Variants in TYW1 observed in about 807,000 individuals in gnomAD.
TYW1 encodes the protein tRNA-yW synthesizing protein 1 homolog, also known as S-adenosyl-L-methionine-dependent tRNA 4-demethylwyosine synthase TYW1.
Under a neutral mutation model 96.2 loss-of-function variants are expected in TYW1, and 46 were observed. The ratio of observed to expected loss-of-function variants is 0.48; its 90% confidence interval spans 0.38 to 0.61. The LOEUF is 0.61. TYW1 is among the 20% of genes least tolerant of loss of function. The pLI is 0.00. For missense variants in TYW1, 684 were observed against 909.6 expected (o/e 0.75, Z 3.19); for synonymous variants, 274 against 323.0 (o/e 0.85, Z 1.63).
chr7:67,001,798 C>T lies in TYW1; in HGVS notation c.273+2844C>T, dbSNP rs1246763028. On this transcript the variant is annotated intron_variant, in intron 3 of 15. Transcript: ENST00000359626. ...CTGTAATCTCAGCACTTTGGGAGGC[C>T]GAGGTGGGCAGACCACTTGAGGCCA... Among the ~76,000 whole-genome samples the T allele has an allele frequency of 4.0e-5, 6 of 150,414 alleles. No individual in the cohort carries two copies. The East Asian group carries it at 1.0e-3, about 26-fold the overall frequency.
At position 67,067,559 on chromosome 7, in the gene TYW1, T is replaced by C. The variant is rs113495334; in HGVS notation, c.1274+156T>C. On this transcript the variant is annotated intron_variant, in intron 10 of 15. Coordinates refer to ENST00000359626, the MANE Select transcript of TYW1 (RefSeq NM_018264.4). Reference sequence around the variant, plus strand: ...AGTGTATAAAAATTTTGTAGACAAATATTTTTGTTTCTCTTGGACAAACAC... The same window carrying C: ...AGTGTATAAAAATTTTGTAGACAAACATTTTTGTTTCTCTTGGACAAACAC... Among the ~76,000 whole-genome samples the C allele has an allele frequency of 4.3e-3, 662 of 152,312 alleles. 5 individuals carry two copies. Among genetic ancestry groups the C allele is most frequent in the African/African-American group, 0.015 (616 of 41,570 alleles).
At chr7:67,223,418 G>C (rs1202831617) in intron 15 of TYW1, among the ~76,000 whole-genome samples, 2 of 152,116 alleles carry the variant, frequency 1.3e-5, no homozygotes, top group Non-Finnish European at 2.9e-5. Context: ...AGTCTTTTCA[G>C]TTCTCTTTGA....
chr7:67,191,549 GGGGTGAGGGTGA>G (rs564020331), intron 14 of TYW1, among the ~76,000 whole-genome samples: 4 of 123,178 alleles, frequency 3.2e-5, no homozygotes, highest in Admixed American at 3.2e-4. Context: ...AATGGAGTTG[GGGGTGAGGGTGA>G]GGGTGAGAGT....
intron 7 of TYW1, among the ~76,000 whole-genome samples, chr7:67,041,462 GC>G (rs1795018734): frequency 6.6e-6 from 1 of 152,054 alleles, no homozygotes; most frequent in South Asian, 2.1e-4. Context: ...ACCACGCCCG[GC>G]TAATTTTTGT....
At chr7:67,073,524 C>A (rs1369979410) in intron 10 of TYW1, among the ~76,000 whole-genome samples, 2 of 152,092 alleles carry the variant, frequency 1.3e-5, no homozygotes, top group African/African-American at 4.8e-5. Context: ...GTAATCCCAG[C>A]ACTTTGGGAG....
In TYW1 at chr7:67,001,068, T is replaced by C. The variant is rs190335189; in HGVS notation, c.273+2114T>C. Among the ~76,000 whole-genome samples, 797 of 151,486 alleles carry C rather than the reference T, an allele frequency of 5.3e-3. 4 individuals are homozygous for C. Among genetic ancestry groups the C allele is most frequent in the Middle Eastern group, 0.014 (4 of 294 alleles). ...TAAAAAACCTTTTTCAGAGCCTCTT[T>C]ATGCATGTTTTTACCTTTTTAAAAA... is the stretch of plus-strand genomic sequence containing the variant. On this transcript the variant is annotated intron_variant, in intron 3 of 15. Transcript: ENST00000359626.
chr7:67,181,121 T>C (rs1424304410), intron 13 of TYW1, among the ~76,000 whole-genome samples: 1 of 152,178 alleles, frequency 6.6e-6, no homozygotes. Flanking sequence ...TCAGATACCT[T>C]TGGGTATCTA....
At chr7:67,184,120 A>T (rs1244611368) in intron 14 of TYW1, among the ~76,000 whole-genome samples, 1 of 152,184 alleles carries the variant, frequency 6.6e-6, no homozygotes, top group Non-Finnish European at 1.5e-5. Flanking sequence ...TGCCCGGCTG[A>T]TGTGTATTCT....
chr7:67,169,932 C>G (rs1250087645), intron 13 of TYW1, among the ~76,000 whole-genome samples: 1 of 152,182 alleles, frequency 6.6e-6, no homozygotes, highest in African/African-American at 2.4e-5. Context: ...TTTTCAGGAG[C>G]TGCCAACTTG....
At chr7:67,204,885 C>G (rs1800730873) in intron 15 of TYW1, among the ~76,000 whole-genome samples, 1 of 152,214 alleles carries the variant, frequency 6.6e-6, no homozygotes, top group African/African-American at 2.4e-5. Flanking sequence ...CCACGCCCAG[C>G]CAACTTTCTA....
chr7:67,086,007 T>C (rs1796538321), intron 11 of TYW1, among the ~76,000 whole-genome samples: 1 of 152,202 alleles, frequency 6.6e-6, no homozygotes, highest in African/African-American at 2.4e-5. Context: ...TATACTTTTT[T>C]TCTTTATGAA....
chr7:67,066,914 G>T (rs1013512691), intron 9 of TYW1, among the ~76,000 whole-genome samples: 3 of 152,150 alleles, frequency 2.0e-5, no homozygotes, highest in African/African-American at 7.2e-5. Flanking sequence ...TTCAGAGCAG[G>T]GATATGCTTG....
chr7:67,153,825 T>C (rs1250057595), intron 13 of TYW1, among the ~76,000 whole-genome samples: 1 of 152,236 alleles, frequency 6.6e-6, no homozygotes, highest in African/African-American at 2.4e-5. Context: ...TTTAACAATA[T>C]GTTTAATGTG....
At chr7:67,024,872 A>G (rs770983772) in intron 6 of TYW1, 28 bp from the exon 7 acceptor site, 40 of 1,613,274 alleles carry the variant, frequency 2.5e-5, no homozygotes, top group Middle Eastern at 1.6e-4. Flanking sequence ...CCTTTGAACA[A>G]TGTATTTCTG....
chr7:67,049,823 A>G (rs113587078), intron 7 of TYW1, 126 bp from the exon 8 acceptor site: 1 of 1,145,406 alleles, frequency 8.7e-7, no homozygotes, highest in Middle Eastern at 2.0e-4. Context: ...CTGGGATTAC[A>G]GGCGTGAGCC....
At chr7:67,005,602 A>C (rs1293009503) in intron 3 of TYW1, among the ~76,000 whole-genome samples, 1 of 152,220 alleles carries the variant, frequency 6.6e-6, no homozygotes, top group Non-Finnish European at 1.5e-5. Flanking sequence ...TCTCAAAAAA[A>C]TAAAAGACAT....
intron 3 of TYW1, among the ~76,000 whole-genome samples, chr7:67,006,333 C>T (rs909053318): frequency 1.4e-4 from 22 of 152,114 alleles, no homozygotes; most frequent in Admixed American, 1.4e-3. Context: ...CCTGAGGCCT[C>T]CTCAGAAGCA....
intron 6 of TYW1, among the ~76,000 whole-genome samples, chr7:67,022,536 G>A (rs1392277612): frequency 1.3e-5 from 2 of 152,224 alleles, no homozygotes; most frequent in African/African-American, 4.8e-5. Context: ...CTAGGAAAAT[G>A]AGTGCATCAG....
At position 67,137,383 on chromosome 7, in the gene TYW1, A is replaced by C. The variant is rs1348713719; in HGVS notation, c.1698+19765A>C. Among the ~76,000 whole-genome samples the C allele has an allele frequency of 2.0e-5, 3 of 152,056 alleles. No individual in the cohort carries two copies. The East Asian group carries it at 5.8e-4, about 29-fold the overall frequency. ...GTAATCTCAGCACTTTGGGAGGCCG[A>C]GGTGGGAGGAACTCTTGAGCCCAGG... is the stretch of plus-strand genomic sequence containing the variant. On this transcript the variant is annotated intron_variant, in intron 13 of 15. Coordinates refer to ENST00000359626, the MANE Select transcript of TYW1 (RefSeq NM_018264.4).
Sources: allele counts gnomAD v4.1 joint callset (sites outside exome capture counted in the v4.1 genomes callset), GRCh38; gene constraint gnomAD v4.1.1; transcripts MANE v1.5; gene names NCBI Gene and HGNC (gene_info 2026-07-23, HGNC 2026-07-21).